The following SOAT1 variants were observed in gnomAD, a reference collection of about 807,000 sequenced individuals.
SOAT1 encodes the protein sterol O-acyltransferase 1, also known as acyl-coenzyme A:cholesterol acyltransferase 1.
Under a neutral mutation model 69.5 loss-of-function variants are expected in SOAT1, and 55 were observed. The ratio of observed to expected loss-of-function variants is 0.79; its 90% CI spans 0.64 to 0.99. The LOEUF (loss-of-function observed/expected upper bound fraction) is 0.99. SOAT1 is among the 50% of genes least tolerant of loss of function. SOAT1 has a pLI of 0.00. For synonymous variants in SOAT1, 231 were observed against 224.7 expected (o/e 1.03, Z -0.25); for missense variants, 580 against 669.3 (o/e 0.87, Z 1.47).
chr1:179,342,054 GA>G, intron 7 of SOAT1, 59 bp from the exon 8 acceptor site: 2 of 1,607,392 alleles, frequency 1.2e-6, no homozygotes, highest in Non-Finnish European at 8.5e-7. Context: ...TTGACTAATG[GA>G]AAGGACACTT....
chr1:179,331,396 A>G (rs1296638059), intron 3 of SOAT1, among the ~76,000 whole-genome samples: 2 of 152,180 alleles, frequency 1.3e-5, no homozygotes, highest in African/African-American at 2.4e-5. Context: ...AGAACACTAT[A>G]TGCAAAATGC....
chr1:179,348,720 A>G, intron 12 of SOAT1, 124 bp from the exon 13 acceptor site: 2 of 653,836 alleles, frequency 3.1e-6, no homozygotes, highest in Non-Finnish European at 2.7e-6. Flanking sequence ...TCTGTTACAT[A>G]TGTTCTTTGG....
chr1:179,321,157 C>T (rs6679558), intron 2 of SOAT1, among the ~76,000 whole-genome samples: 36,244 of 151,880 alleles, frequency 0.24, 4,519 homozygotes, highest in East Asian at 0.46. Flanking sequence ...CCGCCTGCCT[C>T]GGCCTCCCAA....
intron 2 of SOAT1, 118 bp downstream of exon 2, chr1:179,302,920 T>C: frequency 1.9e-6 from 1 of 540,436 alleles, no homozygotes. Flanking sequence ...TGATAGAGTT[T>C]TATATGTCTA....
intron 11 of SOAT1, among the ~76,000 whole-genome samples, chr1:179,346,612 T>C (rs1364255968): frequency 6.6e-6 from 1 of 152,224 alleles, no homozygotes; most frequent in African/African-American, 2.4e-5. Flanking sequence ...ACTGGAGATA[T>C]GTTTAGAATG....
chr1:179,342,155 C>T lies in SOAT1; in HGVS notation c.822C>T (p.Asn274=), dbSNP rs180839649. ...AGGCCCACTCATTTGTCAGAGAGAA[C>T]GTGCCTCGGGTACTAAATTCAGCTA... ...VMKAHSFVRE[N]VPRVLNSAKE... is the part of the protein sequence containing the mutation. The change falls in exon 8 of 16, where the codon AAC becomes AAT. Residue 274 remains asparagine, a synonymous_variant. Coordinates refer to ENST00000367619, the MANE Select transcript of SOAT1 (RefSeq NM_003101.6). 304 of 1,613,350 alleles carry T rather than the reference C, an allele frequency of 1.9e-4. 1 individual carries two copies. In the East Asian group the frequency reaches 5.2e-3, roughly 28 times the overall value.
intron 1 of SOAT1, among the ~76,000 whole-genome samples, chr1:179,294,868 C>A (rs948387988): frequency 2.0e-5 from 3 of 152,182 alleles, no homozygotes; most frequent in African/African-American, 7.2e-5. Context: ...TGGCTGCCAC[C>A]TGTTTAAACC....
chr1:179,348,900 C>T lies in SOAT1; in HGVS notation c.1272C>T (p.Val424=). 6.2e-7 allele frequency: 1 copy of T among 1,610,720 alleles called. No homozygotes were observed. The highest frequency in any genetic ancestry group is 8.5e-7 in the Non-Finnish European group (1 of 1,177,386). Residue 424 remains valine (V), a synonymous_variant, in exon 13 of 16, where the codon GTC becomes GTT. Coordinates refer to ENST00000367619, the MANE Select transcript of SOAT1 (RefSeq NM_003101.6). ...SNYYRTWNVV[V]HDWLYYYAYK... ...ATTATAGAACCTGGAATGTGGTGGTCCATGACTGGCTATATTACTATGCTT... is the reference window on the plus strand; with the variant it reads ...ATTATAGAACCTGGAATGTGGTGGTTCATGACTGGCTATATTACTATGCTT...
intron 11 of SOAT1, among the ~76,000 whole-genome samples, chr1:179,345,829 C>G (rs956813040): frequency 6.6e-6 from 1 of 152,150 alleles, no homozygotes; most frequent in African/African-American, 2.4e-5. Flanking sequence ...GGGTTACAGG[C>G]TTGAGCCACC....
Position 179,353,946 on chromosome 1 carries a change from G to T in SOAT1, c.*305G>T. 1 of 302,164 alleles carries T rather than the reference G, an allele frequency of 3.3e-6. No individual in the cohort carries two copies. Among genetic ancestry groups the T allele is most frequent in the South Asian group, 5.1e-5 (1 of 19,550 alleles). The allele number at this position is 302,164 out of a possible 1,614,324, so 18.7% of individuals were successfully genotyped here. A position where few individuals can be genotyped will look rare whatever the true frequency, so the allele number is the denominator to read the frequency against. On this transcript the variant is annotated 3_prime_UTR_variant, in exon 16 of 16. Coordinates refer to ENST00000367619, the MANE Select transcript of SOAT1 (RefSeq NM_003101.6). ...GCTTTATCCCTTGGTAATTATATCTGTTTTGTTTCTTGACTCTGTCCAATC... is the reference window on the plus strand; with the variant it reads ...GCTTTATCCCTTGGTAATTATATCTTTTTTGTTTCTTGACTCTGTCCAATC...
At chr1:179,317,598 A>G (rs1016025897) in intron 2 of SOAT1, among the ~76,000 whole-genome samples, 5 of 151,402 alleles carry the variant, frequency 3.3e-5, no homozygotes, top group African/African-American at 1.2e-4. Flanking sequence ...CAAATTCTCA[A>G]TTTTAAAAAT....
chr1:179,321,447 G>A (rs1473655685), intron 2 of SOAT1, among the ~76,000 whole-genome samples: 1 of 152,144 alleles, frequency 6.6e-6, no homozygotes, highest in East Asian at 1.9e-4. Flanking sequence ...GGGGATTGCA[G>A]GCATGAGGCA....
chr1:179,347,851 C>T (rs898554804), intron 12 of SOAT1, among the ~76,000 whole-genome samples, 154 bp downstream of exon 12: 1 of 152,200 alleles, frequency 6.6e-6, no homozygotes, highest in East Asian at 1.9e-4. Flanking sequence ...TTCTGAAATT[C>T]GGTTACAGAT....
At chr1:179,325,147 AT>A (rs35938597) in intron 3 of SOAT1, among the ~76,000 whole-genome samples, 130 of 96,836 alleles carry the variant, frequency 1.3e-3, no homozygotes, top group Admixed American at 1.8e-3. Context: ...TTAGTGACTA[AT>A]TTTTTTTTTT....
intron 1 of SOAT1, among the ~76,000 whole-genome samples, chr1:179,296,313 T>A (rs1398429216): frequency 1.3e-5 from 2 of 152,038 alleles, no homozygotes; most frequent in African/African-American, 4.8e-5. Context: ...AAAAACAACG[T>A]GTATTGGGTT....
chr1:179,351,447 C>G lies in SOAT1; in HGVS notation c.1581C>G (p.His527Gln). The G allele has an allele frequency of 6.2e-7, 1 of 1,612,820 alleles. No homozygotes were observed. Among genetic ancestry groups the G allele is most frequent in the Non-Finnish European group, 8.5e-7 (1 of 1,179,724 alleles). ...FYSQEWYARQ[H>Q]CPLKNPTFLD... is the part of the protein sequence containing the mutation. The stretch of plus-strand genomic sequence containing the variant: ...CTCAAGAATGGTATGCACGTCAGCA[C>G]TGTCCTCTGAAAAATGTGAGTCACC... Residue 527 changes from histidine (H) to glutamine (Q), a missense_variant, in exon 15 of 16, where the codon CAC (histidine) becomes CAG (glutamine). Transcript: ENST00000367619.
intron 3 of SOAT1, among the ~76,000 whole-genome samples, chr1:179,324,404 A>G (rs1365330533): frequency 6.6e-6 from 1 of 152,200 alleles, no homozygotes; most frequent in Admixed American, 6.5e-5. Context: ...CAGAAAATTT[A>G]TTAAAGAACA....
At chr1:179,306,850 A>AG (rs397982099) in intron 2 of SOAT1, among the ~76,000 whole-genome samples, 1 of 148,490 alleles carries the variant, frequency 6.7e-6, no homozygotes, top group African/African-American at 2.6e-5. Flanking sequence ...AAAAAAAAAA[A>AG]GCAGCACCAC....
chr1:179,343,605 A>T lies in SOAT1; in HGVS notation c.957A>T (p.Arg319Ser). 6.2e-7 allele frequency: 1 copy of T among 1,611,474 alleles called. No individual in the cohort carries two copies. The highest frequency in any genetic ancestry group is 2.2e-5 in the East Asian group (1 of 44,820). ...RDSYPRNPTV[R>S]WGYVAMKFAQ... ...TCTTTTTCAGGAATCCCACTGTAAG[A>T]TGGGGTTATGTCGCTATGAAGTTTG... is the stretch of plus-strand genomic sequence containing the variant. The change falls in exon 10 of 16, where the codon AGA (arginine) becomes AGT (serine). Residue 319 changes from arginine (R) to serine (S), a missense_variant. Arg to Ser is a moderately radical substitution (Grantham distance 110, BLOSUM62 -1). Transcript: ENST00000367619.
Sources: gnomAD v4.1 joint callset for allele counts (sites outside exome capture counted in the v4.1 genomes callset) on GRCh38, gnomAD v4.1.1 for gene constraint, MANE v1.5 for transcripts, NCBI Gene and HGNC (gene_info 2026-07-23, HGNC 2026-07-21) for gene names.